NUDCD3: variants seen among roughly 807,000 people sequenced by gnomAD.
The protein encoded by NUDCD3 is nudC domain-containing protein 3.
Under a neutral mutation model 39.7 loss-of-function variants are expected in NUDCD3, and 13 were observed. That is an observed-to-expected ratio of 0.33 (90% CI 0.21 to 0.52). The LOEUF (loss-of-function observed/expected upper bound fraction) is 0.52, where lower values mean the gene tolerates loss of function less well. Among genes scored for constraint, NUDCD3 ranks in the 20% least tolerant of loss-of-function variants. The pLI is 0.96. For missense variants in NUDCD3, 453 were observed against 458.1 expected (o/e 0.99, Z 0.10); for synonymous variants, 175 against 172.4 (o/e 1.02, Z -0.12).
chr7:44,478,213 T>C (rs1031685187), intron 2 of NUDCD3, among the ~76,000 whole-genome samples: 8 of 152,282 alleles, frequency 5.3e-5, no homozygotes, highest in Middle Eastern at 3.4e-3. Flanking sequence ...AATAGGGAAA[T>C]ATCTGTGTGC....
At chr7:44,477,101 G>A (rs1217589891) in intron 2 of NUDCD3, among the ~76,000 whole-genome samples, 1 of 152,178 alleles carries the variant, frequency 6.6e-6, no homozygotes, top group Non-Finnish European at 1.5e-5. Context: ...AGAAAGTACT[G>A]AACAGTTTTC....
chr7:44,424,713 T>C (rs1425465628), intron 3 of NUDCD3, among the ~76,000 whole-genome samples: 1 of 152,172 alleles, frequency 6.6e-6, no homozygotes, highest in African/African-American at 2.4e-5. Flanking sequence ...GTTCAACCAT[T>C]GTGGAAGACA....
intron 4 of NUDCD3, among the ~76,000 whole-genome samples, chr7:44,395,136 A>T (rs1798599648): frequency 6.6e-6 from 1 of 152,230 alleles, no homozygotes. Flanking sequence ...AAGTTGTTTC[A>T]AAAATATTCA....
intron 1 of NUDCD3, among the ~76,000 whole-genome samples, chr7:44,488,137 C>T (rs1800652660): frequency 6.6e-6 from 1 of 151,830 alleles, no homozygotes; most frequent in Non-Finnish European, 1.5e-5. Context: ...GAGTTTGAGA[C>T]CAGTCTCGCC....
At chr7:44,405,342 C>G (rs545494078) in intron 3 of NUDCD3, among the ~76,000 whole-genome samples, 1 of 152,226 alleles carries the variant, frequency 6.6e-6, no homozygotes, top group Non-Finnish European at 1.5e-5. Flanking sequence ...ACCACTTGTC[C>G]GTCTCCAGAA....
At chr7:44,414,557 A>G (rs1254334671) in intron 3 of NUDCD3, among the ~76,000 whole-genome samples, 1 of 152,208 alleles carries the variant, frequency 6.6e-6, no homozygotes, top group South Asian at 2.1e-4. Flanking sequence ...AAAACCAGTT[A>G]TGTGATGACT....
chr7:44,405,342 C>T (rs545494078), intron 3 of NUDCD3, among the ~76,000 whole-genome samples: 3 of 152,344 alleles, frequency 2.0e-5, no homozygotes, highest in East Asian at 3.9e-4. Flanking sequence ...ACCACTTGTC[C>T]GTCTCCAGAA....
chr7:44,409,840 C>A (rs947774485), intron 3 of NUDCD3, among the ~76,000 whole-genome samples: 5 of 151,914 alleles, frequency 3.3e-5, no homozygotes, highest in African/African-American at 1.2e-4. Flanking sequence ...ATTATTATTA[C>A]CATTTTTTTA....
chr7:44,484,705 A>C (rs965370387), intron 2 of NUDCD3: 1 of 398,136 alleles, frequency 2.5e-6, no homozygotes, highest in East Asian at 4.4e-5. Context: ...TTGTGAGAGG[A>C]GTCAAGTGCT....
At chr7:44,438,864 T>C (rs1799518546) in intron 2 of NUDCD3, among the ~76,000 whole-genome samples, 1 of 152,162 alleles carries the variant, frequency 6.6e-6, no homozygotes, top group African/African-American at 2.4e-5. Flanking sequence ...CTGGAAGCCT[T>C]GTTAACATGT....
At chr7:44,412,306 C>A (rs1216210401) in intron 3 of NUDCD3, among the ~76,000 whole-genome samples, 1 of 152,234 alleles carries the variant, frequency 6.6e-6, no homozygotes, top group Admixed American at 6.5e-5. Flanking sequence ...ACCAACATGG[C>A]ACAAAATCCT....
intron 2 of NUDCD3, among the ~76,000 whole-genome samples, chr7:44,480,527 G>A (rs895144833): frequency 5.3e-5 from 8 of 151,986 alleles, no homozygotes; most frequent in African/African-American, 1.9e-4. Flanking sequence ...ATAAGTCAAG[G>A]TTCCACCAAA....
At chr7:44,478,476 C>G (rs534383561) in intron 2 of NUDCD3, among the ~76,000 whole-genome samples, 1 of 152,278 alleles carries the variant, frequency 6.6e-6, no homozygotes, top group African/African-American at 2.4e-5. Flanking sequence ...TCGCTTGAAC[C>G]TGGGAGGTGG....
intron 2 of NUDCD3, among the ~76,000 whole-genome samples, chr7:44,460,501 GCCAGACTCTA>G (rs896379004): frequency 2.6e-5 from 4 of 152,010 alleles, no homozygotes; most frequent in African/African-American, 7.2e-5. Context: ...CAAATAGTAT[GCCAGACTCTA>G]CCACGTGCCC....
intron 3 of NUDCD3, among the ~76,000 whole-genome samples, chr7:44,407,872 T>C (rs1798858357): frequency 6.6e-6 from 1 of 151,892 alleles, no homozygotes; most frequent in African/African-American, 2.4e-5. Flanking sequence ...GAAACACAGA[T>C]CAATTCAGGC....
chr7:44,421,546 A>T (rs1465185700), intron 3 of NUDCD3, among the ~76,000 whole-genome samples: 2 of 151,930 alleles, frequency 1.3e-5, no homozygotes, highest in African/African-American at 2.4e-5. Context: ...CAGACTTTAA[A>T]CCAACAAAGA....
At chr7:44,394,690 G>A (rs1411902891) in intron 4 of NUDCD3, among the ~76,000 whole-genome samples, 2 of 152,170 alleles carry the variant, frequency 1.3e-5, no homozygotes, top group African/African-American at 4.8e-5. Flanking sequence ...CAAACCCTTG[G>A]AAGTAAGGGC....
At chr7:44,476,866 C>A (rs957583852) in intron 2 of NUDCD3, among the ~76,000 whole-genome samples, 6 of 152,084 alleles carry the variant, frequency 3.9e-5, no homozygotes, top group African/African-American at 1.2e-4. Flanking sequence ...CTGGGGAAAG[C>A]GGAGGGATGA....
At chr7:44,433,849 G>A (rs1330491346) in intron 2 of NUDCD3, among the ~76,000 whole-genome samples, 1 of 152,136 alleles carries the variant, frequency 6.6e-6, no homozygotes, top group African/African-American at 2.4e-5. Flanking sequence ...CAGGGCCTCA[G>A]CAAGGCACTC....
Sources: gnomAD v4.1 joint callset for allele counts (sites outside exome capture counted in the v4.1 genomes callset) on GRCh38, gnomAD v4.1.1 for gene constraint, MANE v1.5 for transcripts, NCBI Gene and HGNC (gene_info 2026-07-23, HGNC 2026-07-21) for gene names.